The following DNAH17 variants were observed in gnomAD, a reference collection of about 807,000 sequenced individuals.
The protein encoded by DNAH17 is axonemal beta dynein heavy chain 17.
In DNAH17, 376 loss-of-function variants were observed where a neutral mutation model predicts 485.6. That is an observed-to-expected ratio of 0.77 (90% CI 0.71 to 0.84). The LOEUF (loss-of-function observed/expected upper bound fraction) is 0.84, where lower values mean the gene tolerates loss of function less well. DNAH17 is among the 40% of genes least tolerant of loss of function. The pLI, the probability that DNAH17 is intolerant of heterozygous loss-of-function variation, is 0.00. For synonymous variants in DNAH17, 3,031 were observed against 2,405.9 expected, an observed-to-expected ratio of 1.26 and a Z score of -7.60; for missense variants, 6,370 against 5,839.3, an observed-to-expected ratio of 1.09 and a Z score of -2.96.
chr17:78,454,476 T>C lies in DNAH17; in HGVS notation c.10400A>G (p.Gln3467Arg). 1 of 1,611,940 alleles carries C rather than the reference T, an allele frequency of 6.2e-7. No homozygotes were observed. Among genetic ancestry groups the C allele is most frequent in the Non-Finnish European group, 8.5e-7 (1 of 1,179,250 alleles). ...RSELKAIRLG[Q>R]KSYLDVIEQA... ...GTCCTGCGCCCGCACACACCTCTTC[T>C]GTCCCAGGCGGATGGCTTTCAGTTC... Residue 3467 changes from glutamine to arginine, a missense_variant, in exon 64 of 81, where the codon CAG becomes CGG. Gln to Arg is a conservative substitution (Grantham distance 43, BLOSUM62 1). Coordinates refer to ENST00000389840, the MANE Select transcript of DNAH17 (RefSeq NM_173628.4).
At chr17:78,446,310 G>A (rs765711384) in intron 69 of DNAH17, among the ~76,000 whole-genome samples, 2 of 149,644 alleles carry the variant, frequency 1.3e-5, no homozygotes, top group Admixed American at 6.7e-5. Flanking sequence ...TTACCCCCTC[G>A]CCCCTGAAGC....
intron 30 of DNAH17, among the ~76,000 whole-genome samples, 174 bp downstream of exon 30, chr17:78,506,546 G>A (rs975247374): frequency 2.6e-5 from 4 of 152,278 alleles, no homozygotes; most frequent in South Asian, 4.1e-4. Flanking sequence ...GTCCTGCCAC[G>A]TTTCTGCCAT....
chr17:78,525,114 G>A lies in DNAH17; in HGVS notation c.3759C>T (p.Ser1253=). 2 of 1,613,796 alleles carry A rather than the reference G, an allele frequency of 1.2e-6. No individual in the cohort carries two copies. The highest frequency in any genetic ancestry group is 2.2e-5 in the East Asian group (1 of 44,888). The change falls in exon 25 of 81, where the codon TCC becomes TCT. Residue 1253 remains serine (S), a synonymous_variant. Transcript: ENST00000389840. Reference sequence around the variant, plus strand: ...GGACCTCGAACAGGCCCCCGGACTTGGACAGCGCCTCCATGATGCCTTCCA... The same window carrying A: ...GGACCTCGAACAGGCCCCCGGACTTAGACAGCGCCTCCATGATGCCTTCCA... ...SAMEGIMEAL[S]KSGGLFEVPV...
intron 54 of DNAH17, among the ~76,000 whole-genome samples, chr17:78,470,311 G>C (rs1413319058): frequency 2.7e-5 from 4 of 150,436 alleles, no homozygotes; most frequent in Admixed American, 2.6e-4. Flanking sequence ...CAAGTGATCT[G>C]CCCACCTCGG....
At chr17:78,563,029 A>G (rs1049886588) in intron 11 of DNAH17, among the ~76,000 whole-genome samples, 1 of 152,242 alleles carries the variant, frequency 6.6e-6, no homozygotes, top group Non-Finnish European at 1.5e-5. Context: ...GGTCTGAGAA[A>G]GGTGACCACT....
chr17:78,480,696 G>A lies in DNAH17; in HGVS notation c.7740C>T (p.Asp2580=), dbSNP rs2089309640. The A allele has an allele frequency of 1.9e-6, 3 of 1,613,566 alleles. No homozygotes were observed. The highest frequency in any genetic ancestry group is 1.1e-5 in the South Asian group (1 of 91,018). Residue 2580 remains aspartate (D), a synonymous_variant, in exon 49 of 81, where the codon GAC becomes GAT. Coordinates refer to ENST00000389840, the MANE Select transcript of DNAH17 (RefSeq NM_173628.4). ...MNPTSGSFTI[D]SRLQRHFCVF... ...GGTTTCTGCTTACCTGAAGCCTGGA[G>A]TCGATGGTGAAGGATCCGGAAGTGG...
intron 25 of DNAH17, among the ~76,000 whole-genome samples, chr17:78,524,641 T>C (rs2091016706): frequency 1.3e-5 from 2 of 152,080 alleles, no homozygotes; most frequent in South Asian, 4.1e-4. Context: ...CCACTGAGTT[T>C]ATGGGATTTT....
chr17:78,492,036 C>T (rs555745640), intron 42 of DNAH17, among the ~76,000 whole-genome samples: 6 of 152,032 alleles, frequency 3.9e-5, no homozygotes, highest in Admixed American at 6.5e-5. Flanking sequence ...CAGAAGCCAG[C>T]GAAGGGGGAC....
intron 24 of DNAH17, among the ~76,000 whole-genome samples, chr17:78,526,402 C>G (rs2091074132): frequency 1.3e-5 from 2 of 152,158 alleles, no homozygotes; most frequent in South Asian, 4.1e-4. Flanking sequence ...TGGAGCCATG[C>G]TCTGAGCTGC....
intron 37 of DNAH17, among the ~76,000 whole-genome samples, chr17:78,497,436 A>G (rs2090115114): frequency 6.6e-6 from 1 of 152,182 alleles, no homozygotes; most frequent in Non-Finnish European, 1.5e-5. Flanking sequence ...GCCTTTCGGA[A>G]CAGCACCGCT....
At position 78,495,115 on chromosome 17, in the gene DNAH17, G is replaced by GC; in HGVS notation, c.5904-19dup. The GC allele has an allele frequency of 6.3e-7, 1 of 1,584,832 alleles. No individual in the cohort carries two copies. The highest frequency in any genetic ancestry group is 1.3e-5 in the African/African-American group (1 of 74,626). ...CACAGGGCCTGGGGAGGTCAGCGGT[G>GC]CCTGTGGGCTTCTGCCCACTCCCTC... On this transcript the variant is annotated intron_variant, in intron 38 of 80. Transcript: ENST00000389840.
intron 31 of DNAH17, among the ~76,000 whole-genome samples, chr17:78,504,724 G>A (rs536845588): frequency 5.0e-4 from 76 of 152,274 alleles, no homozygotes; most frequent in South Asian, 4.1e-4. Flanking sequence ...TGAGCCGGGG[G>A]ACGCGCTTGC....
At chr17:78,574,092 C>G (rs1360875828) in intron 2 of DNAH17, among the ~76,000 whole-genome samples, 1 of 152,170 alleles carries the variant, frequency 6.6e-6, no homozygotes, top group East Asian at 1.9e-4. Context: ...AGCAACCGTA[C>G]CCGGCACAGC....
At chr17:78,433,322 G>A (rs146053608) in intron 75 of DNAH17, among the ~76,000 whole-genome samples, 1,817 of 152,300 alleles carry the variant, frequency 0.012, 15 homozygotes, top group Admixed American at 0.027. Context: ...AGCAGGGTAC[G>A]TGCTGCTTAC....
At chr17:78,542,552 A>G (rs2091624925) in intron 17 of DNAH17, among the ~76,000 whole-genome samples, 1 of 152,210 alleles carries the variant, frequency 6.6e-6, no homozygotes, top group Admixed American at 6.5e-5. Context: ...GGGTGAAATT[A>G]CTACCAAGTG....
At chr17:78,532,417 GCCTGGTGAT>G in intron 20 of DNAH17, 56 bp downstream of exon 20, 1 of 1,521,458 alleles carries the variant, frequency 6.6e-7, no homozygotes, top group Non-Finnish European at 8.8e-7. Context: ...TTTAAAGCAA[GCCTGGTGAT>G]CCTCTCCTGG....
At chr17:78,467,505 C>A (rs959935373) in intron 55 of DNAH17, among the ~76,000 whole-genome samples, 1 of 152,158 alleles carries the variant, frequency 6.6e-6, no homozygotes, top group African/African-American at 2.4e-5. Context: ...TCAGGGGATG[C>A]CTTTGGCTCA....
chr17:78,552,292 G>A (rs1003363688), intron 15 of DNAH17, among the ~76,000 whole-genome samples: 9 of 152,196 alleles, frequency 5.9e-5, no homozygotes, highest in African/African-American at 2.2e-4. Context: ...AGGGAAGACA[G>A]GGACTCGTGA....
chr17:78,561,614 G>C, intron 12 of DNAH17, 101 bp downstream of exon 12: 2 of 1,384,990 alleles, frequency 1.4e-6, no homozygotes, highest in Non-Finnish European at 1.9e-6. Flanking sequence ...TAACAGTCTG[G>C]TCGACAGGAG....
Sources: gnomAD v4.1 joint callset for allele counts (sites outside exome capture counted in the v4.1 genomes callset) on GRCh38, gnomAD v4.1.1 for gene constraint, MANE v1.5 for transcripts, NCBI Gene and HGNC (gene_info 2026-07-23, HGNC 2026-07-21) for gene names.